The following ASAP1 variants were observed in gnomAD, a reference collection of about 807,000 sequenced individuals.
ASAP1 encodes the protein ArfGAP with SH3 domain, ankyrin repeat and PH domain 1, also known as arf-GAP with SH3 domain, ANK repeat and PH domain-containing protein 1.
ASAP1 carries 43 observed loss-of-function variants against 145.2 expected under a neutral mutation model. The observed-to-expected ratio is 0.30, with a 90% CI of 0.23 to 0.38. The LOEUF (loss-of-function observed/expected upper bound fraction) is 0.38, where lower values mean the gene tolerates loss of function less well. ASAP1 is among the 10% of genes least tolerant of loss of function. The pLI is 1.00. For missense variants in ASAP1, 1,018 were observed against 1,355.3 expected (o/e 0.75, Z 3.91); for synonymous variants, 546 against 515.5 (o/e 1.06, Z -0.80).
chr8:130,376,679 T>C (rs1281862301), intron 2 of ASAP1, among the ~76,000 whole-genome samples: 2 of 151,948 alleles, frequency 1.3e-5, no homozygotes, highest in Admixed American at 6.6e-5. Flanking sequence ...TGAGCCAAGA[T>C]TGCGCCACAG....
At chr8:130,305,499 G>T (rs752029784) in intron 3 of ASAP1, among the ~76,000 whole-genome samples, 3 of 152,078 alleles carry the variant, frequency 2.0e-5, no homozygotes, top group Non-Finnish European at 2.9e-5. Flanking sequence ...AAGTAGCTGG[G>T]ATTACAGGCG....
At chr8:130,415,303 T>TA (rs565420230) in intron 1 of ASAP1, among the ~76,000 whole-genome samples, 1 of 151,298 alleles carries the variant, frequency 6.6e-6, no homozygotes, top group Non-Finnish European at 1.5e-5. Flanking sequence ...ACTTCATCTC[T>TA]AAAAAAATTT....
At chr8:130,142,726 A>T (rs1295904314) in intron 13 of ASAP1, among the ~76,000 whole-genome samples, 1 of 152,210 alleles carries the variant, frequency 6.6e-6, no homozygotes, top group African/African-American at 2.4e-5. Flanking sequence ...GGCCTGGGGC[A>T]TAGGAGGGGA....
chr8:130,222,810 T>A (rs1565106200), intron 4 of ASAP1, among the ~76,000 whole-genome samples: 1 of 152,210 alleles, frequency 6.6e-6, no homozygotes, highest in Non-Finnish European at 1.5e-5. Context: ...TTAAGCAAGT[T>A]GCTCAATGTC....
rs1334729061 is a variant in ASAP1, at chr8:130,159,850, G to A, written c.1010+14C>T. 6.3e-7 allele frequency: 1 copy of A among 1,593,394 alleles called. No individual in the cohort carries two copies. Among genetic ancestry groups the A allele is most frequent in the East Asian group, 2.2e-5 (1 of 44,798 alleles). On this transcript the variant is annotated intron_variant, in intron 12 of 29. Coordinates refer to ENST00000518721, the MANE Select transcript of ASAP1 (RefSeq NM_018482.4). ...TAATCACACACTGAGACACTGGGCT[G>A]GGCTCATACATACCCGTCACTTTTC... is the stretch of plus-strand genomic sequence containing the variant.
chr8:130,073,682 G>A (rs2097455309), intron 27 of ASAP1, among the ~76,000 whole-genome samples: 1 of 152,208 alleles, frequency 6.6e-6, no homozygotes, highest in South Asian at 2.1e-4. Context: ...GGCCAAGGAA[G>A]ACAGGGCTGA....
intron 4 of ASAP1, among the ~76,000 whole-genome samples, chr8:130,215,721 G>A (rs555175727): frequency 3.3e-5 from 5 of 152,068 alleles, no homozygotes; most frequent in Non-Finnish European, 7.3e-5. Context: ...TCCAGCCTGA[G>A]CAACAGAGTG....
Position 130,389,375 on chromosome 8 carries a change from T to C in ASAP1, c.59+12510A>G, listed in dbSNP as rs187748942. 2.6e-3 allele frequency among the ~76,000 whole-genome samples: 389 copies of C among 152,292 alleles called. 1 individual carries two copies. Among genetic ancestry groups the C allele is most frequent in the Non-Finnish European group, 4.1e-3 (277 of 68,026 alleles). ...TTAAAGTCCAGGACAAGGGAAAAAA[T>C]GGCTGACTAATGCACTAATTGTGTT... On this transcript the variant is annotated intron_variant, in intron 2 of 29. Coordinates refer to ENST00000518721, the MANE Select transcript of ASAP1 (RefSeq NM_018482.4).
At chr8:130,091,672 A>T (rs2097505711) in intron 25 of ASAP1, among the ~76,000 whole-genome samples, 1 of 152,246 alleles carries the variant, frequency 6.6e-6, no homozygotes, top group South Asian at 2.1e-4. Flanking sequence ...TGCTTTTCTG[A>T]GCCTCTGTTT....
chr8:130,376,456 G>A lies in ASAP1; in HGVS notation c.60-18313C>T, dbSNP rs566988586. On this transcript the variant is annotated intron_variant, in intron 2 of 29. Transcript: ENST00000518721. ...AAAACAAAACAAAAAGGCCTGGCAC[G>A]GTGGCTCACGCCTGTAATCCCAACA... Among the ~76,000 whole-genome samples the A allele has an allele frequency of 9.7e-4, 148 of 152,284 alleles. 1 individual carries two copies. Among genetic ancestry groups the A allele is most frequent in the African/African-American group, 3.2e-3 (132 of 41,576 alleles).
chr8:130,279,295 G>C (rs1273416359), intron 3 of ASAP1, among the ~76,000 whole-genome samples: 2 of 152,064 alleles, frequency 1.3e-5, no homozygotes, highest in Non-Finnish European at 2.9e-5. Flanking sequence ...CCAGCACTAG[G>C]GGTTCTGAAG....
intron 3 of ASAP1, among the ~76,000 whole-genome samples, chr8:130,246,164 C>T (rs1395792234): frequency 6.7e-6 from 1 of 149,668 alleles, no homozygotes; most frequent in Admixed American, 6.8e-5. Context: ...AAGGGCCTGC[C>T]TACCTCCCTC....
Position 130,299,674 on chromosome 8 carries a change from A to G in ASAP1, c.186+58343T>C, listed in dbSNP as rs572907306. ...TAAGGAAAAATGCAAAATAATTTAG[A>G]ATTTAAAGAAACAGAGAGATCAAGA... On this transcript the variant is annotated intron_variant, in intron 3 of 29. Coordinates refer to ENST00000518721, the MANE Select transcript of ASAP1 (RefSeq NM_018482.4). 7.1e-4 allele frequency among the ~76,000 whole-genome samples: 93 copies of G among 131,178 alleles called. 2 individuals carry two copies. Among genetic ancestry groups the G allele is most frequent in the African/African-American group, 2.8e-3 (89 of 32,022 alleles). The allele number at this position is 131,178 out of a possible 152,430, so 86.1% of individuals were successfully genotyped here.
intron 3 of ASAP1, among the ~76,000 whole-genome samples, chr8:130,265,701 G>A (rs1820200836): frequency 6.6e-6 from 1 of 152,064 alleles, no homozygotes; most frequent in South Asian, 2.1e-4. Flanking sequence ...GGGCATCATG[G>A]CAAAACCCTG....
intron 3 of ASAP1, among the ~76,000 whole-genome samples, chr8:130,253,699 A>G (rs1349430598): frequency 6.6e-6 from 1 of 152,210 alleles, no homozygotes; most frequent in African/African-American, 2.4e-5. Context: ...ATATAGATGA[A>G]GACGAAATGC....
At chr8:130,326,107 T>C (rs1457448944) in intron 3 of ASAP1, among the ~76,000 whole-genome samples, 5 of 152,170 alleles carry the variant, frequency 3.3e-5, no homozygotes, top group African/African-American at 1.2e-4. Context: ...TTCTAAGTAG[T>C]AGAGGGTTGC....
chr8:130,127,265 A>G (rs1432403058), intron 16 of ASAP1, among the ~76,000 whole-genome samples: 4 of 152,040 alleles, frequency 2.6e-5, no homozygotes, highest in African/African-American at 9.7e-5. Context: ...CGCCCAGGCT[A>G]GAGTGCAATG....
intron 5 of ASAP1, among the ~76,000 whole-genome samples, chr8:130,194,756 T>C (rs977989597): frequency 3.3e-5 from 5 of 152,208 alleles, no homozygotes; most frequent in African/African-American, 1.2e-4. Context: ...GAGAATCTAA[T>C]GTCACCGCTG....
At chr8:130,302,167 T>C (rs571144584) in intron 3 of ASAP1, among the ~76,000 whole-genome samples, 4 of 152,228 alleles carry the variant, frequency 2.6e-5, no homozygotes, top group Non-Finnish European at 4.4e-5. Flanking sequence ...TGCACAAATA[T>C]TTGAAAAACC....
Sources: allele counts gnomAD v4.1 joint callset (sites outside exome capture counted in the v4.1 genomes callset), GRCh38; gene constraint gnomAD v4.1.1; transcripts MANE v1.5; gene names NCBI Gene and HGNC (gene_info 2026-07-23, HGNC 2026-07-21).